The following MED13L variants were observed in gnomAD, a reference collection of about 807,000 sequenced individuals.
MED13L encodes the protein mediator complex subunit 13L.
In MED13L, 7 loss-of-function variants were observed where a neutral mutation model predicts 220.9. That is an observed-to-expected ratio of 0.03 (90% CI 0.02 to 0.06). MED13L has a LOEUF of 0.06. MED13L is among the 10% of genes least tolerant of loss of function. The probability of loss-of-function intolerance (pLI) is 1.00; values close to 1 mark genes in which losing one functional copy is unlikely to be tolerated. For missense variants in MED13L, 1,965 were observed against 2,760.5 expected (o/e 0.71, Z 6.46); for synonymous variants, 1,011 against 1,015.2 (o/e 1.00, Z 0.08).
At chr12:116,148,916 C>A (rs1180382583) in intron 2 of MED13L, among the ~76,000 whole-genome samples, 3 of 152,136 alleles carry the variant, frequency 2.0e-5, no homozygotes, top group African/African-American at 7.2e-5. Context: ...TAAAGCATGG[C>A]TCTGATCATG....
chr12:116,126,889 C>A (rs1264255885), intron 2 of MED13L, among the ~76,000 whole-genome samples: 3 of 152,122 alleles, frequency 2.0e-5, no homozygotes, highest in African/African-American at 7.2e-5. Context: ...AGTTACAAAA[C>A]CCAGGACCCA....
rs1880838903 is a variant in MED13L, at chr12:116,031,759, A to AAGGAAGGAAGGAAGGAAGGAAG, written c.480-9159_480-9158insCTTCCTTCCTTCCTTCCTTCCT. ...AGAAAAGAAAAGAAAAGAAAAGAAA[A>AAGGAAGGAAGGAAGGAAGGAAG]GAAGGAAGGAAGGAAGGAAGGAAGG... On this transcript the variant is annotated intron_variant, in intron 4 of 30. Coordinates refer to ENST00000281928, the MANE Select transcript of MED13L (RefSeq NM_015335.5). Among the ~76,000 whole-genome samples the AAGGAAGGAAGGAAGGAAGGAAG allele has an allele frequency of 2.9e-4, 12 of 40,984 alleles. 1 individual carries two copies. Among genetic ancestry groups the AAGGAAGGAAGGAAGGAAGGAAG allele is most frequent in the East Asian group, 1.6e-3 (2 of 1,278 alleles). The allele number at this position is 40,984 out of a possible 152,430, so 26.9% of individuals were successfully genotyped here.
intron 2 of MED13L, chr12:116,148,792 G>A (rs1158739940): frequency 1.3e-5 from 2 of 156,324 alleles, no homozygotes; most frequent in Admixed American, 6.6e-5. Context: ...TACTCTATTC[G>A]TCTAACCAAT....
At chr12:116,175,424 G>A (rs1382332682) in intron 2 of MED13L, among the ~76,000 whole-genome samples, 1 of 152,132 alleles carries the variant, frequency 6.6e-6, no homozygotes, top group African/African-American at 2.4e-5. Context: ...AAAGAATATT[G>A]TAGGTAGAGG....
At chr12:116,238,021 T>C (rs991868069) in intron 1 of MED13L, among the ~76,000 whole-genome samples, 4 of 152,236 alleles carry the variant, frequency 2.6e-5, no homozygotes, top group African/African-American at 9.6e-5. Flanking sequence ...CTATTTTCTA[T>C]GTTATCATTC....
chr12:116,214,212 CTT>C (rs1177129257), intron 2 of MED13L, among the ~76,000 whole-genome samples: 2 of 152,140 alleles, frequency 1.3e-5, no homozygotes, highest in Non-Finnish European at 2.9e-5. Context: ...AGTTCTAAAA[CTT>C]TTCACTTTTT....
At chr12:116,201,405 G>A (rs979742718) in intron 2 of MED13L, among the ~76,000 whole-genome samples, 1 of 151,858 alleles carries the variant, frequency 6.6e-6, no homozygotes. Context: ...AAATTACAAG[G>A]ATGAGAGAAA....
chr12:115,989,750 C>T (rs1469003542), intron 17 of MED13L, among the ~76,000 whole-genome samples: 7 of 152,160 alleles, frequency 4.6e-5, no homozygotes, highest in Non-Finnish European at 8.8e-5. Flanking sequence ...ATCTCTCTTT[C>T]CCTTATCCCC....
chr12:116,159,097 T>A (rs1053877479), intron 2 of MED13L, among the ~76,000 whole-genome samples: 2 of 152,186 alleles, frequency 1.3e-5, no homozygotes, highest in African/African-American at 4.8e-5. Context: ...GGAAAGGATT[T>A]TCTGAGTTTT....
chr12:116,274,409 CA>C (rs147006167), intron 1 of MED13L, among the ~76,000 whole-genome samples: 3 of 51,578 alleles, frequency 5.8e-5, no homozygotes, highest in East Asian at 1.2e-3. Flanking sequence ...CTTTTCTCTG[CA>C]AAAAAAAACA....
At chr12:116,121,700 C>T (rs753178442) in intron 2 of MED13L, among the ~76,000 whole-genome samples, 2 of 152,164 alleles carry the variant, frequency 1.3e-5, no homozygotes, top group Non-Finnish European at 1.5e-5. Flanking sequence ...TTTAATGTAT[C>T]ATATTGCAGC....
At chr12:116,240,555 C>T (rs2138473104) in intron 1 of MED13L, among the ~76,000 whole-genome samples, 1 of 143,780 alleles carries the variant, frequency 7.0e-6, no homozygotes, top group East Asian at 2.1e-4. Context: ...TTTTTGGAGA[C>T]GGAGTCTCGC....
chr12:115,985,401 A>G (rs1877616921), intron 19 of MED13L, among the ~76,000 whole-genome samples: 1 of 152,226 alleles, frequency 6.6e-6, no homozygotes, highest in African/African-American at 2.4e-5. Context: ...TAAATTTACT[A>G]TTCCGTGCCT....
chr12:116,003,280 G>A (rs897203048), intron 13 of MED13L, among the ~76,000 whole-genome samples, 178 bp from the exon 14 acceptor site: 1 of 152,168 alleles, frequency 6.6e-6, no homozygotes, highest in Non-Finnish European at 1.5e-5. Flanking sequence ...CTTATCAAGT[G>A]TAAGAAACAG....
chr12:116,114,230 T>A (rs1413033500), intron 2 of MED13L, among the ~76,000 whole-genome samples: 1 of 152,224 alleles, frequency 6.6e-6, no homozygotes, highest in Non-Finnish European at 1.5e-5. Flanking sequence ...TGGTGTTACC[T>A]TGACCTTGTC....
chr12:116,208,731 T>G (rs1192420510), intron 2 of MED13L, among the ~76,000 whole-genome samples: 1 of 152,222 alleles, frequency 6.6e-6, no homozygotes, highest in Non-Finnish European at 1.5e-5. Context: ...TTTGGGGGAC[T>G]GAGGCAGGAA....
chr12:116,007,643 GACAAA>G lies in MED13L; in HGVS notation c.2013-12_2013-8del. 1 of 290,158 alleles carries G rather than the reference GACAAA, an allele frequency of 3.4e-6. No homozygotes were observed. The highest frequency in any genetic ancestry group is 1.0e-4 in the Admixed American group (1 of 9,640). The allele number at this position is 290,158 out of a possible 1,614,324, so 18.0% of individuals were successfully genotyped here. On this transcript the variant is annotated splice_polypyrimidine_tract_variant and splice_region_variant and intron_variant, in intron 10 of 30. Coordinates refer to ENST00000281928, the MANE Select transcript of MED13L (RefSeq NM_015335.5). The stretch of plus-strand genomic sequence containing the variant: ...GTTAGGTTGTGCTAAGAGTCTAAAA[GACAAA>G]AAAAAAAAAAAAAAAAAGAGCATTT...
chr12:116,276,630 G>A lies in MED13L; in HGVS notation c.72+430C>T, dbSNP rs1178415790. The A allele has an allele frequency of 3.1e-5, 37 of 1,198,260 alleles. No homozygotes were observed. The Admixed American group carries it at 1.3e-3, about 41-fold the overall frequency. The allele number at this position is 1,198,260 out of a possible 1,614,324, so 74.2% of individuals were successfully genotyped here. On this transcript the variant is annotated intron_variant, in intron 1 of 30. Transcript: ENST00000281928. The stretch of plus-strand genomic sequence containing the variant: ...AAAAAATTCAAAAGGCAGGCGGGCG[G>A]GCAGGCAGCTGATCCAACAACGGGG...
intron 2 of MED13L, among the ~76,000 whole-genome samples, chr12:116,175,617 G>C (rs1879994388): frequency 6.6e-6 from 1 of 152,142 alleles, no homozygotes; most frequent in Non-Finnish European, 1.5e-5. Context: ...ATGCAGATTA[G>C]AGACAGAAAA....
Sources: gnomAD v4.1 joint callset for allele counts (sites outside exome capture counted in the v4.1 genomes callset) on GRCh38, gnomAD v4.1.1 for gene constraint, MANE v1.5 for transcripts, NCBI Gene and HGNC (gene_info 2026-07-23, HGNC 2026-07-21) for gene names.